LTBP1: variants seen among roughly 807,000 people sequenced by gnomAD.
The protein encoded by LTBP1 is latent transforming growth factor beta binding protein 1.
A neutral mutation model predicts 207.6 loss-of-function variants in LTBP1; 129 were observed. The observed-to-expected ratio is 0.62, with a 90% CI of 0.54 to 0.72. The LOEUF is 0.72. Ranked by LOEUF, LTBP1 falls within the 30% of genes least tolerant of loss-of-function variation. The pLI is 0.00. For synonymous variants in LTBP1, 963 were observed against 833.7 expected (o/e 1.16, Z -2.67); for missense variants, 2,281 against 2,217.2 (o/e 1.03, Z -0.58).
At chr2:33,343,046 A>G (rs10185623) in intron 25 of LTBP1, 83 bp downstream of exon 25, 289,536 of 1,442,924 alleles carry the variant, frequency 0.2, 31,458 homozygotes, top group African/African-American at 0.4. Context: ...GCTTTTAAGC[A>G]GGTAATTTGG....
chr2:33,052,376 T>G (rs1344678681), intron 3 of LTBP1, among the ~76,000 whole-genome samples: 1 of 152,264 alleles, frequency 6.6e-6, no homozygotes, highest in Non-Finnish European at 1.5e-5. Context: ...TAGCTAAGAC[T>G]GAATTAGATT....
intron 23 of LTBP1, among the ~76,000 whole-genome samples, chr2:33,311,051 G>T (rs1347327422): frequency 6.6e-6 from 1 of 151,738 alleles, no homozygotes; most frequent in African/African-American, 2.4e-5. Context: ...ATTCTGGATT[G>T]CCATAAGTTA....
At position 33,301,580 on chromosome 2, in the gene LTBP1, G is replaced by C; in HGVS notation, c.3417G>C (p.Glu1139Asp). 6.2e-7 allele frequency: 1 copy of C among 1,613,216 alleles called. No homozygotes were observed. Among genetic ancestry groups the C allele is most frequent in the Middle Eastern group, 1.7e-4 (1 of 6,056 alleles). The stretch of plus-strand genomic sequence containing the variant: ...CTCATGGGCAGTGCAGGAACACTGA[G>C]GGCTCTTTTCAATGTGTGTGTGACC... ...LCAHGQCRNT[E>D]GSFQCVCDQG... is the part of the protein sequence containing the mutation. The change falls in exon 22 of 34, where the codon GAG becomes GAC. Residue 1139 changes from glutamate (E) to aspartate (D), a missense_variant. This residue lies in a region of LTBP1 where 1,671 missense variants were observed against 1,634.8 expected (regional missense o/e 1.02). Coordinates refer to ENST00000404816, the MANE Select transcript of LTBP1 (RefSeq NM_206943.4).
At chr2:33,256,971 A>G (rs1372091805) in intron 11 of LTBP1, among the ~76,000 whole-genome samples, 1 of 150,420 alleles carries the variant, frequency 6.6e-6, no homozygotes, top group Non-Finnish European at 1.5e-5. Flanking sequence ...AGGAATGACT[A>G]TGTAAATAAT....
rs527657738 is a variant in LTBP1 at position 32,982,424 on chromosome 2, G to A, written c.565+33479G>A. On this transcript the variant is annotated intron_variant, in intron 2 of 33. Coordinates refer to ENST00000404816, the MANE Select transcript of LTBP1 (RefSeq NM_206943.4). ...AAAAGAAAAACCAATTTTCTGGGGA[G>A]AAACTCAAGCCTGCTGCAGAAATTT... 4.7e-4 allele frequency among the ~76,000 whole-genome samples: 71 copies of A among 152,288 alleles called. No homozygotes were observed. The East Asian group carries it at 0.013, about 27-fold the overall frequency.
At chr2:32,989,244 C>A (rs573296733) in intron 2 of LTBP1, among the ~76,000 whole-genome samples, 2 of 152,204 alleles carry the variant, frequency 1.3e-5, no homozygotes, top group African/African-American at 2.4e-5. Context: ...ATGTGGGAAC[C>A]AGTGAGGTGT....
At chr2:33,344,645 G>T (rs2094677319) in intron 25 of LTBP1, among the ~76,000 whole-genome samples, 1 of 152,144 alleles carries the variant, frequency 6.6e-6, no homozygotes, top group South Asian at 2.1e-4. Flanking sequence ...TGCTTCCAGA[G>T]CACCTTCAGC....
In LTBP1 at chr2:33,371,047, A is replaced by G. The variant is rs537568582; in HGVS notation, c.4711+5544A>G. Among the ~76,000 whole-genome samples, 7 of 152,320 alleles carry G rather than the reference A, an allele frequency of 4.6e-5. No homozygotes were observed. In the South Asian group the frequency reaches 1.0e-3, roughly 23 times the overall value. The stretch of plus-strand genomic sequence containing the variant: ...ATAGTGTTCTCTGAAGTTAGATGGC[A>G]TCTTGCATATTGGTACCACATGCAG... On this transcript the variant is annotated intron_variant, in intron 31 of 33. Coordinates refer to ENST00000404816, the MANE Select transcript of LTBP1 (RefSeq NM_206943.4).
intron 5 of LTBP1, among the ~76,000 whole-genome samples, chr2:33,136,953 G>T (rs527478182): frequency 6.6e-6 from 1 of 152,160 alleles, no homozygotes; most frequent in Admixed American, 6.5e-5. Context: ...GGGTGAGAAG[G>T]ACCCATAGTA....
At chr2:33,093,683 C>T (rs2079230244) in intron 3 of LTBP1, among the ~76,000 whole-genome samples, 1 of 151,936 alleles carries the variant, frequency 6.6e-6, no homozygotes, top group Admixed American at 6.6e-5. Flanking sequence ...TACTCTTGTT[C>T]TTTGGTTTAA....
At chr2:32,987,627 ATAGT>A (rs1190963036) in intron 2 of LTBP1, among the ~76,000 whole-genome samples, 1 of 152,182 alleles carries the variant, frequency 6.6e-6, no homozygotes, top group Non-Finnish European at 1.5e-5. Context: ...TAATTCCCTA[ATAGT>A]TAGTGGGAAC....
At chr2:33,321,551 G>A (rs1391882475) in intron 24 of LTBP1, among the ~76,000 whole-genome samples, 3 of 152,202 alleles carry the variant, frequency 2.0e-5, no homozygotes, top group Non-Finnish European at 4.4e-5. Context: ...TATGAACGGG[G>A]GAGAATGAAA....
At chr2:33,112,510 C>G (rs927470034) in intron 4 of LTBP1, among the ~76,000 whole-genome samples, 1 of 151,792 alleles carries the variant, frequency 6.6e-6, no homozygotes, top group African/African-American at 2.4e-5. Flanking sequence ...GTGTTCTCTG[C>G]TCAAACCCCC....
At chr2:33,153,476 A>T (rs1235013882) in intron 5 of LTBP1, among the ~76,000 whole-genome samples, 1 of 151,876 alleles carries the variant, frequency 6.6e-6, no homozygotes, top group Non-Finnish European at 1.5e-5. Context: ...TAGTTTTTTT[A>T]AAAGAAAACT....
rs145872734 is a variant in LTBP1 at position 32,989,277 on chromosome 2, C to T, written c.566-31632C>T. ...TGTTTCAACACATTCAAAGGAATGCCGAAATGAATTTATAAATAGATGCAA... is the reference window on the plus strand; with the variant it reads ...TGTTTCAACACATTCAAAGGAATGCTGAAATGAATTTATAAATAGATGCAA... On this transcript the variant is annotated intron_variant, in intron 2 of 33. Transcript: ENST00000404816. Among the ~76,000 whole-genome samples the T allele has an allele frequency of 5.9e-3, 899 of 152,160 alleles. 4 individuals carry two copies. Among genetic ancestry groups the T allele is most frequent in the Middle Eastern group, 0.01 (3 of 294 alleles).
chr2:33,390,712 G>A (rs574108821), intron 32 of LTBP1, among the ~76,000 whole-genome samples: 128 of 151,984 alleles, frequency 8.4e-4, no homozygotes, highest in Non-Finnish European at 1.5e-3. Context: ...GGCTGGTCTC[G>A]AACTCCTGGA....
intron 28 of LTBP1, 143 bp downstream of exon 28, chr2:33,361,658 G>A (rs371245162): frequency 5.5e-5 from 30 of 543,464 alleles, no homozygotes; most frequent in African/African-American, 3.9e-4. Flanking sequence ...ACCATTAAAA[G>A]AAAGTCCCCA....
rs568435494 is a variant in LTBP1, at chr2:33,072,463, G to C, written c.864-38119G>C. Among the ~76,000 whole-genome samples, 6 of 152,320 alleles carry C rather than the reference G, an allele frequency of 3.9e-5. No homozygotes were observed. The South Asian group carries it at 1.0e-3, about 26-fold the overall frequency. On this transcript the variant is annotated intron_variant, in intron 3 of 33. Transcript: ENST00000404816. ...ATTCCTTCCTCCAGGGTCTGGGGCA[G>C]CACCCCTGAAACAGGGGCCTTAGGA...
chr2:33,198,971 G>A (rs1447007438), intron 7 of LTBP1, among the ~76,000 whole-genome samples: 1 of 152,048 alleles, frequency 6.6e-6, no homozygotes, highest in Non-Finnish European at 1.5e-5. Context: ...TGCTTTTCTA[G>A]TTCTTTTAAT....
Sources: allele counts gnomAD v4.1 joint callset (sites outside exome capture counted in the v4.1 genomes callset), GRCh38; gene constraint gnomAD v4.1.1; regional missense constraint gnomAD v4.1.1; transcripts MANE v1.5; gene names NCBI Gene and HGNC (gene_info 2026-07-23, HGNC 2026-07-21).